The following PSMG2 variants were observed in gnomAD, a reference collection of about 807,000 sequenced individuals.
PSMG2 encodes the protein proteasome assembly chaperone 2.
A neutral mutation model predicts 31.5 loss-of-function variants in PSMG2; 21 were observed. The ratio of observed to expected loss-of-function variants is 0.67; its 90% CI spans 0.47 to 0.96. PSMG2 has a LOEUF of 0.96. Among genes scored for constraint, PSMG2 ranks in the 40% least tolerant of loss-of-function variants. PSMG2 has a pLI of 0.00. For missense variants in PSMG2, 318 were observed against 321.2 expected (o/e 0.99, Z 0.08); for synonymous variants, 120 against 110.4 (o/e 1.09, Z -0.54).
intron 1 of PSMG2, chr18:12,672,635 ACTGCAAGATC>A: frequency 1.0e-6 from 1 of 981,676 alleles, no homozygotes; most frequent in Non-Finnish European, 1.2e-6. Flanking sequence ...TCAGTGATCG[ACTGCAAGATC>A]ACAATTTATC....
At chr18:12,699,750 T>A (rs181295148), upstream of PSMG2, 1 of 769,840 alleles carries the variant, frequency 1.3e-6, no homozygotes, top group Non-Finnish European at 2.0e-6. Context: ...AATGGAAATG[T>A]CTTCTATCAA....
chr18:12,713,062 G>C lies in PSMG2; in HGVS notation c.288+302G>C, dbSNP rs2040346333. ...CATTTGTATTACCTTTCAGCTGGTG[G>C]CATCTACATATAAACTATGTATATA... On this transcript the variant is annotated intron_variant, in intron 3 of 6. Transcript: ENST00000317615. 3.3e-5 allele frequency among the ~76,000 whole-genome samples: 5 copies of C among 152,234 alleles called. No individual in the cohort carries two copies. The South Asian group carries it at 1.0e-3, about 32-fold the overall frequency.
intron 1 of PSMG2, 119 bp downstream of exon 1, chr18:12,703,283 T>G: frequency 8.4e-7 from 1 of 1,189,424 alleles, no homozygotes; most frequent in Non-Finnish European, 1.2e-6. Context: ...CTATTTCATG[T>G]TTTCGGCCGG....
At chr18:12,662,453 A>C (rs1407165763) in intron 1 of PSMG2, among the ~76,000 whole-genome samples, 1 of 152,210 alleles carries the variant, frequency 6.6e-6, no homozygotes, top group Non-Finnish European at 1.5e-5. Flanking sequence ...CTACATTACA[A>C]TGTCCATGTA....
intron 1 of PSMG2, chr18:12,673,471 C>A (rs1363884891): frequency 3.2e-6 from 5 of 1,584,088 alleles, no homozygotes; most frequent in African/African-American, 2.8e-5. Context: ...TTGGTCTCCA[C>A]GGCAACAGAT....
chr18:12,682,215 A>C (rs2039376433), intron 1 of PSMG2, among the ~76,000 whole-genome samples: 1 of 151,826 alleles, frequency 6.6e-6, no homozygotes, highest in African/African-American at 2.4e-5. Flanking sequence ...CCCAGGCTGG[A>C]GTGCAGTGGC....
At chr18:12,690,235 T>C (rs2039702730) in intron 1 of PSMG2, among the ~76,000 whole-genome samples, 1 of 152,188 alleles carries the variant, frequency 6.6e-6, no homozygotes, top group Admixed American at 6.5e-5. Flanking sequence ...CAACCTCTCA[T>C]TCCCAAGCTC....
At chr18:12,699,671 T>G (rs1446740391), upstream of PSMG2, among the ~76,000 whole-genome samples, 1 of 152,190 alleles carries the variant, frequency 6.6e-6, no homozygotes, top group Non-Finnish European at 1.5e-5. Flanking sequence ...ACTCTTCTGA[T>G]ATACTTCATG....
upstream of PSMG2, among the ~76,000 whole-genome samples, chr18:12,702,059 G>C (rs1046185400): frequency 9.9e-5 from 15 of 152,206 alleles, no homozygotes; most frequent in Non-Finnish European, 2.1e-4. Context: ...CTGGGAGGCG[G>C]AGGTTGCAGT....
intron 6 of PSMG2, 78 bp downstream of exon 6, chr18:12,724,697 G>A: frequency 7.7e-7 from 1 of 1,292,672 alleles, no homozygotes; most frequent in South Asian, 2.3e-5. Flanking sequence ...TACCTAAGTA[G>A]ACCAAGTAAG....
chr18:12,714,018 G>A (rs1437549844), intron 3 of PSMG2, among the ~76,000 whole-genome samples: 2 of 152,094 alleles, frequency 1.3e-5, no homozygotes, highest in Non-Finnish European at 2.9e-5. Context: ...TTCAAATGCT[G>A]GGATTACAGG....
chr18:12,681,198 C>CAA (rs35644207), intron 1 of PSMG2, among the ~76,000 whole-genome samples: 83 of 82,930 alleles, frequency 1.0e-3, no homozygotes, highest in African/African-American at 3.1e-3. Context: ...ACTCTGTTTC[C>CAA]AAAAAAAAAA....
intron 1 of PSMG2, among the ~76,000 whole-genome samples, chr18:12,665,346 G>A (rs1053460390): frequency 5.3e-5 from 8 of 152,158 alleles, no homozygotes; most frequent in African/African-American, 1.9e-4. Flanking sequence ...AGGATTGCTT[G>A]AGCCCAGGAG....
At chr18:12,660,514 G>T (rs886858183) in intron 1 of PSMG2, among the ~76,000 whole-genome samples, 1 of 151,980 alleles carries the variant, frequency 6.6e-6, no homozygotes, top group African/African-American at 2.4e-5. Context: ...TAAAGACAGG[G>T]TTTTACCATG....
intron 1 of PSMG2, among the ~76,000 whole-genome samples, chr18:12,675,546 C>A (rs1157287484): frequency 2.6e-5 from 4 of 152,114 alleles, no homozygotes; most frequent in Admixed American, 1.3e-4. Context: ...ATTTACTGAA[C>A]ATGTACTCTA....
upstream of PSMG2, chr18:12,699,063 GT>G: frequency 1.2e-6 from 2 of 1,613,942 alleles, no homozygotes; most frequent in Non-Finnish European, 1.7e-6. Flanking sequence ...GAACGAAAAC[GT>G]TGGTTTCGAT....
chr18:12,674,693 C>T, intron 1 of PSMG2: 1 of 1,614,012 alleles, frequency 6.2e-7, no homozygotes, highest in Admixed American at 1.7e-5. Context: ...TCATAAGAAG[C>T]CAAAGCTGGT....
chr18:12,679,332 A>C (rs1255855523), intron 1 of PSMG2: 1 of 152,246 alleles, frequency 6.6e-6, no homozygotes, highest in African/African-American at 2.4e-5. Flanking sequence ...AGCAATTTGC[A>C]GTGGGGAGGA....
At chr18:12,664,506 C>T (rs1292003376) in intron 1 of PSMG2, among the ~76,000 whole-genome samples, 4 of 151,532 alleles carry the variant, frequency 2.6e-5, no homozygotes, top group Admixed American at 6.6e-5. Context: ...GCCAAGATCA[C>T]GCCATTGCAC....
Sources: gnomAD v4.1 joint callset for allele counts (sites outside exome capture counted in the v4.1 genomes callset) on GRCh38, gnomAD v4.1.1 for gene constraint, MANE v1.5 for transcripts, NCBI Gene and HGNC (gene_info 2026-07-23, HGNC 2026-07-21) for gene names.